Variants in HECW1 observed in about 807,000 individuals in gnomAD.
The protein encoded by HECW1 is HECT, C2 and WW domain containing E3 ubiquitin protein ligase 1, also known as E3 ubiquitin-protein ligase HECW1.
HECW1 carries 61 observed loss-of-function variants against 182.3 expected under a neutral mutation model. The observed-to-expected ratio is 0.33, with a 90% confidence interval of 0.27 to 0.41. The LOEUF (loss-of-function observed/expected upper bound fraction) is 0.41. Among genes scored for constraint, HECW1 ranks in the 10% least tolerant of loss-of-function variants. The pLI, the probability that HECW1 is intolerant of heterozygous loss-of-function variation, is 1.00. For synonymous variants in HECW1, 859 were observed against 832.6 expected (o/e 1.03, Z -0.55); for missense variants, 1,739 against 2,108.9 (o/e 0.82, Z 3.44).
At chr7:43,183,858 A>G (rs1793099627) in intron 2 of HECW1, among the ~76,000 whole-genome samples, 1 of 152,168 alleles carries the variant, frequency 6.6e-6, no homozygotes, top group African/African-American at 2.4e-5. Context: ...AGAATATATC[A>G]TCAATGTTTT....
intron 10 of HECW1, among the ~76,000 whole-genome samples, chr7:43,442,955 A>G (rs956308475): frequency 1.1e-4 from 17 of 152,274 alleles, no homozygotes; most frequent in Non-Finnish European, 2.9e-5. Context: ...ATCATCACAT[A>G]CATGAATGAA....
intron 24 of HECW1, among the ~76,000 whole-genome samples, chr7:43,528,346 C>G (rs1340464929): frequency 6.6e-6 from 1 of 152,102 alleles, no homozygotes; most frequent in Non-Finnish European, 1.5e-5. Context: ...GGGTAATGTT[C>G]TCTATATTTA....
At chr7:43,494,511 T>TA (rs1237607609) in intron 19 of HECW1, among the ~76,000 whole-genome samples, 1 of 151,974 alleles carries the variant, frequency 6.6e-6, no homozygotes, top group Non-Finnish European at 1.5e-5. Flanking sequence ...TCAAGATTTT[T>TA]TTTTTTTTTT....
chr7:43,406,484 A>G (rs1584792790), intron 7 of HECW1, among the ~76,000 whole-genome samples: 1 of 152,228 alleles, frequency 6.6e-6, no homozygotes, highest in African/African-American at 2.4e-5. Flanking sequence ...CGTCAGTAAC[A>G]AATTATTGAA....
At chr7:43,276,914 G>A (rs1434684013) in intron 3 of HECW1, among the ~76,000 whole-genome samples, 6 of 152,164 alleles carry the variant, frequency 3.9e-5, no homozygotes, top group Non-Finnish European at 1.5e-5. Context: ...TAGAAAGTGC[G>A]TTCAGCAGAA....
intron 2 of HECW1, among the ~76,000 whole-genome samples, chr7:43,221,614 C>A (rs369050138): frequency 3.5e-5 from 4 of 114,828 alleles, no homozygotes; most frequent in African/African-American, 1.4e-4. Context: ...AGTGCAGTGG[C>A]GCTATCTCGG....
At chr7:43,254,976 C>T (rs1241139162) in intron 3 of HECW1, among the ~76,000 whole-genome samples, 1 of 152,224 alleles carries the variant, frequency 6.6e-6, no homozygotes, top group Non-Finnish European at 1.5e-5. Context: ...ATAGCTTTGT[C>T]ATTCCTTGCT....
At chr7:43,438,783 T>C (rs2076788897) in intron 9 of HECW1, 1 of 152,228 alleles carries the variant, frequency 6.6e-6, no homozygotes, top group South Asian at 2.1e-4. Flanking sequence ...ATGTATAATA[T>C]GTATTTCTTT....
At chr7:43,485,551 A>C (rs1353206107) in intron 17 of HECW1, among the ~76,000 whole-genome samples, 1 of 152,188 alleles carries the variant, frequency 6.6e-6, no homozygotes, top group African/African-American at 2.4e-5. Flanking sequence ...CCACACACCT[A>C]GGCTGTACGG....
intron 12 of HECW1, among the ~76,000 whole-genome samples, chr7:43,453,343 A>G (rs2077296690): frequency 6.6e-6 from 1 of 152,140 alleles, no homozygotes; most frequent in Non-Finnish European, 1.5e-5. Context: ...GACAGATTGG[A>G]TATGGATGTG....
intron 11 of HECW1, among the ~76,000 whole-genome samples, chr7:43,449,122 T>C (rs1246240790): frequency 1.3e-5 from 2 of 152,186 alleles, no homozygotes; most frequent in African/African-American, 4.8e-5. Flanking sequence ...TTTCAAGAGG[T>C]AAGTCTATTG....
chr7:43,465,983 GGGAA>G (rs1012018515), intron 14 of HECW1, among the ~76,000 whole-genome samples: 18 of 132,264 alleles, frequency 1.4e-4, no homozygotes, highest in East Asian at 7.3e-4. Context: ...AAGGGAGGGA[GGGAA>G]GGAAGGAAGG....
At chr7:43,255,635 G>A (rs535590950) in intron 3 of HECW1, among the ~76,000 whole-genome samples, 64 of 151,208 alleles carry the variant, frequency 4.2e-4, no homozygotes, top group Middle Eastern at 3.4e-3. Flanking sequence ...CAATAAATAT[G>A]TATTTTTCAA....
chr7:43,285,605 T>A (rs183210593), intron 3 of HECW1, among the ~76,000 whole-genome samples: 32 of 151,878 alleles, frequency 2.1e-4, no homozygotes, highest in African/African-American at 7.5e-4. Flanking sequence ...AGCCTAGGAG[T>A]TTGAGACCAG....
Position 43,320,718 on chromosome 7 carries a change from G to A in HECW1, c.436G>A (p.Asp146Asn), listed in dbSNP as rs770066359. Reference protein sequence around the residue: ...SHRGQIIWKIDASSYFVEPET... With the variant: ...SHRGQIIWKINASSYFVEPET... ...TCGGGGCCAGATCATCTGGAAGATC[G>A]ATGCCAGCTCGTACTTTGTGGAACG... The change falls in exon 5 of 30, where the codon GAT becomes AAT. Residue 146 changes from aspartate (D) to asparagine (N), a missense_variant. Physicochemically the swap from Asp to Asn is conservative, Grantham distance 23 (BLOSUM62 1). This residue lies in a region of HECW1 where 279 missense variants were observed against 353.1 expected (regional missense o/e 0.79). Coordinates refer to ENST00000395891, the MANE Select transcript of HECW1 (RefSeq NM_015052.5). 2 of 1,613,906 alleles carry A rather than the reference G, an allele frequency of 1.2e-6. No individual in the cohort carries two copies. The highest frequency in any genetic ancestry group is 1.7e-6 in the Non-Finnish European group (2 of 1,179,788).
At chr7:43,269,051 A>G (rs1170870747) in intron 3 of HECW1, among the ~76,000 whole-genome samples, 1 of 152,110 alleles carries the variant, frequency 6.6e-6, no homozygotes, top group African/African-American at 2.4e-5. Flanking sequence ...CTCATGTCAG[A>G]GCTCAGAGTG....
chr7:43,505,606 CA>C (rs2079547373), intron 21 of HECW1, among the ~76,000 whole-genome samples: 1 of 152,202 alleles, frequency 6.6e-6, no homozygotes, highest in Non-Finnish European at 1.5e-5. Context: ...GTGCTCCAGA[CA>C]AACTGGAGTA....
intron 2 of HECW1, among the ~76,000 whole-genome samples, chr7:43,205,614 T>G (rs1281201584): frequency 6.6e-6 from 1 of 152,134 alleles, no homozygotes; most frequent in Non-Finnish European, 1.5e-5. Context: ...CAAGGCTCAT[T>G]GTGTCTGCAG....
chr7:43,144,796 AT>A (rs1788524776), intron 2 of HECW1, among the ~76,000 whole-genome samples: 1 of 151,996 alleles, frequency 6.6e-6, no homozygotes, highest in African/African-American at 2.4e-5. Context: ...AAGGTGCCCT[AT>A]TTTCTTTTAT....
Sources: allele counts gnomAD v4.1 joint callset (sites outside exome capture counted in the v4.1 genomes callset), GRCh38; gene constraint gnomAD v4.1.1; regional missense constraint gnomAD v4.1.1; transcripts MANE v1.5; gene names NCBI Gene and HGNC (gene_info 2026-07-23, HGNC 2026-07-21).